CHL1: variants seen among roughly 807,000 people sequenced by gnomAD.
The protein encoded by CHL1 is cell adhesion molecule L1 like.
CHL1 carries 96 observed loss-of-function variants against 141.9 expected under a neutral mutation model. The ratio of observed to expected loss-of-function variants is 0.68; its 90% CI spans 0.57 to 0.80. The LOEUF is 0.80. Ranked by LOEUF, CHL1 falls within the 30% of genes least tolerant of loss-of-function variation. The pLI, the probability that CHL1 is intolerant of heterozygous loss-of-function variation, is 0.00. For missense variants in CHL1, 1,820 were observed against 1,457.2 expected (o/e 1.25, Z -4.05); for synonymous variants, 613 against 502.2 (o/e 1.22, Z -2.95).
intron 2 of CHL1, among the ~76,000 whole-genome samples, chr3:285,148 C>T (rs916173084): frequency 6.6e-6 from 1 of 152,178 alleles, no homozygotes; most frequent in South Asian, 2.1e-4. Flanking sequence ...TCATTATCAC[C>T]TTTCACCTTT....
At chr3:333,059 G>A (rs1701565516) in intron 5 of CHL1, among the ~76,000 whole-genome samples, 1 of 146,164 alleles carries the variant, frequency 6.8e-6, no homozygotes, top group African/African-American at 2.5e-5. Flanking sequence ...ACCAGAATAT[G>A]ATATGAGAGT....
intron 22 of CHL1, among the ~76,000 whole-genome samples, chr3:391,390 C>T: frequency 6.6e-6 from 1 of 152,118 alleles, no homozygotes; most frequent in Non-Finnish European, 1.5e-5. Flanking sequence ...GTAGTGCATG[C>T]CTGTAGTCCC....
chr3:403,143 C>G (rs1003580013), intron 27 of CHL1, among the ~76,000 whole-genome samples: 1 of 152,180 alleles, frequency 6.6e-6, no homozygotes, highest in Admixed American at 6.5e-5. Flanking sequence ...CTAAGGGCTT[C>G]TGTTCTTCAC....
At chr3:398,430 T>A (rs1230241614) in intron 25 of CHL1, 45 bp downstream of exon 25, 1 of 1,281,604 alleles carries the variant, frequency 7.8e-7, no homozygotes, top group Non-Finnish European at 1.1e-6. Context: ...TCAATCTATG[T>A]CCTGTAGAAT....
intron 3 of CHL1, among the ~76,000 whole-genome samples, chr3:324,382 T>G (rs1458185813): frequency 6.6e-6 from 1 of 152,088 alleles, no homozygotes; most frequent in Non-Finnish European, 1.5e-5. Flanking sequence ...CAACCCTGTC[T>G]TTTTATTAGA....
At chr3:236,105 G>C (rs1691954070) in intron 1 of CHL1, among the ~76,000 whole-genome samples, 1 of 152,172 alleles carries the variant, frequency 6.6e-6, no homozygotes, top group African/African-American at 2.4e-5. Context: ...TTTGGACCTT[G>C]TGTGGCAGCA....
intron 2 of CHL1, among the ~76,000 whole-genome samples, chr3:310,827 A>C (rs1359255338): frequency 2.0e-5 from 3 of 152,204 alleles, no homozygotes; most frequent in African/African-American, 7.2e-5. Flanking sequence ...ACACATATCC[A>C]CAATTGTAGT....
chr3:264,768 A>G (rs549684614), intron 2 of CHL1, among the ~76,000 whole-genome samples: 1 of 152,326 alleles, frequency 6.6e-6, no homozygotes, highest in African/African-American at 2.4e-5. Flanking sequence ...TCTGGACAAC[A>G]AAGACCTTCT....
rs1208940857 is a variant in CHL1, at chr3:407,925, G to A, written c.*2214G>A. On this transcript the variant is annotated 3_prime_UTR_variant, in exon 28 of 28. Transcript: ENST00000256509. ...TAAAACTTATGGATATGAAAAATGAGATTGAATGATGACTATGCTTTGCTA... is the reference window on the plus strand; with the variant it reads ...TAAAACTTATGGATATGAAAAATGAAATTGAATGATGACTATGCTTTGCTA... 1 of 152,066 alleles carries A rather than the reference G, an allele frequency of 6.6e-6. No homozygotes were observed. Among genetic ancestry groups the A allele is most frequent in the Non-Finnish European group, 1.5e-5 (1 of 68,014 alleles). 9.4% of individuals were successfully genotyped at this position (152,066 alleles called of 1,614,324 possible).
intron 19 of CHL1, 72 bp downstream of exon 19, chr3:383,958 A>C: frequency 3.2e-6 from 3 of 939,316 alleles, no homozygotes; most frequent in African/African-American, 1.6e-5. Context: ...TGCTAACTAC[A>C]ATGATAGCAC....
At chr3:351,217 A>G (rs1703225615) in intron 10 of CHL1, among the ~76,000 whole-genome samples, 1 of 152,218 alleles carries the variant, frequency 6.6e-6, no homozygotes, top group Non-Finnish European at 1.5e-5. Flanking sequence ...TAATTATGCA[A>G]TTTAAAATGT....
At chr3:238,462 A>G (rs1692211191) in intron 1 of CHL1, among the ~76,000 whole-genome samples, 1 of 152,180 alleles carries the variant, frequency 6.6e-6, no homozygotes, top group African/African-American at 2.4e-5. Flanking sequence ...AAATGCATAC[A>G]CATCTATGTA....
Position 366,230 on chromosome 3 carries a change from G to C in CHL1, c.1751+115G>C, listed in dbSNP as rs1704858446. The C allele has an allele frequency of 4.2e-6, 4 of 953,098 alleles. No individual in the cohort carries two copies. In the East Asian group the frequency reaches 1.0e-4, roughly 25 times the overall value. The allele number at this position is 953,098 out of a possible 1,614,324, so 59.0% of individuals were successfully genotyped here. A position where few individuals can be genotyped will look rare whatever the true frequency, so the allele number is the denominator to read the frequency against. Reference sequence around the variant, plus strand: ...TCACGCTTGTAATCCCAGCACTTTGGGAGACCGAGGCGAGTGGATCACTTG... The same window carrying C: ...TCACGCTTGTAATCCCAGCACTTTGCGAGACCGAGGCGAGTGGATCACTTG... On this transcript the variant is annotated intron_variant, in intron 15 of 27. Transcript: ENST00000256509.
chr3:382,543 G>A lies in CHL1; in HGVS notation c.2048G>A (p.Gly683Glu). Residue 683 changes from glycine (G) to glutamate (E), a missense_variant, in exon 18 of 28, where the codon GGA becomes GAA. By Grantham distance (98) the Gly-to-Glu change is moderately conservative. Transcript: ENST00000256509. The part of the protein sequence containing the change: ...GRWEELTRVQ[G>E]KKTTVILPLA... Reference sequence around the variant, plus strand: ...TGGGAGGAACTGACCAGAGTCCAAGGAAAGAAAACCACAGTTATCTTACCT... The same window carrying A: ...TGGGAGGAACTGACCAGAGTCCAAGAAAAGAAAACCACAGTTATCTTACCT... The A allele has an allele frequency of 6.2e-7, 1 of 1,613,854 alleles. No homozygotes were observed. The highest frequency in any genetic ancestry group is 8.5e-7 in the Non-Finnish European group (1 of 1,179,852).
intron 1 of CHL1, among the ~76,000 whole-genome samples, chr3:233,693 T>A (rs1241701797): frequency 6.6e-6 from 1 of 152,164 alleles, no homozygotes; most frequent in Non-Finnish European, 1.5e-5. Flanking sequence ...AATTTTGTAG[T>A]GCTTTATTTC....
At chr3:335,883 C>G (rs1701824613) in intron 5 of CHL1, among the ~76,000 whole-genome samples, 1 of 152,160 alleles carries the variant, frequency 6.6e-6, no homozygotes, top group East Asian at 1.9e-4. Flanking sequence ...TACCTTGTCT[C>G]TGTGCGTTTG....
chr3:258,932 ATCT>A (rs1212153539), intron 2 of CHL1, among the ~76,000 whole-genome samples: 1 of 136,944 alleles, frequency 7.3e-6, no homozygotes, highest in African/African-American at 2.8e-5. Flanking sequence ...GTATGGCAAC[ATCT>A]TTTTTTTTTT....
intron 3 of CHL1, among the ~76,000 whole-genome samples, chr3:322,421 A>G (rs980131280): frequency 2.0e-5 from 3 of 151,776 alleles, no homozygotes; most frequent in African/African-American, 7.3e-5. Context: ...CCAGGGACAC[A>G]TCCAGATGGT....
chr3:264,694 G>A (rs1287096545), intron 2 of CHL1, among the ~76,000 whole-genome samples: 1 of 152,090 alleles, frequency 6.6e-6, no homozygotes, highest in East Asian at 1.9e-4. Flanking sequence ...AATGATCCTT[G>A]GTCTTTTAAC....
Sources: allele counts gnomAD v4.1 joint callset (sites outside exome capture counted in the v4.1 genomes callset), GRCh38; gene constraint gnomAD v4.1.1; transcripts MANE v1.5; gene names NCBI Gene and HGNC (gene_info 2026-07-23, HGNC 2026-07-21).